UVSSA: variants seen among roughly 807,000 people sequenced by gnomAD.
The protein encoded by UVSSA is UV-stimulated scaffold protein A.
In UVSSA, 72 loss-of-function variants were observed where a neutral mutation model predicts 73.9. That is an observed-to-expected ratio of 0.97 (90% CI 0.81 to 1.19). The LOEUF is 1.19. Among genes scored for constraint, UVSSA ranks in the 50% most tolerant of loss-of-function variants. The pLI, the probability that UVSSA is intolerant of heterozygous loss-of-function variation, is 0.00. For missense variants in UVSSA, 1,150 were observed against 965.0 expected, an observed-to-expected ratio of 1.19 and a Z score of -2.54; for synonymous variants, 454 against 391.3, an observed-to-expected ratio of 1.16 and a Z score of -1.89.
In UVSSA at chr4:1,380,180, C is replaced by G. The variant is rs567453502; in HGVS notation, c.1702C>G (p.Arg568Gly). ...GTTTGAGCCTGTGCAGCACTGGTGCCGTGCCCCGAGGCCAGACGGCCGGCT... is the reference window on the plus strand; with the variant it reads ...GTTTGAGCCTGTGCAGCACTGGTGCGGTGCCCCGAGGCCAGACGGCCGGCT... Reference protein sequence around the residue: ...GKFEPVQHWCRAPRPDGRLCE... With the variant: ...GKFEPVQHWCGAPRPDGRLCE... The change falls in exon 11 of 14, where the codon CGT becomes GGT. Residue 568 changes from arginine (R) to glycine (G), a missense_variant. Arg to Gly is a moderately radical substitution (Grantham distance 125). Transcript: ENST00000389851. The G allele has an allele frequency of 6.2e-7, 1 of 1,613,002 alleles. No homozygotes were observed. The highest frequency in any genetic ancestry group is 8.5e-7 in the Non-Finnish European group (1 of 1,179,966).
chr4:1,353,185 G>A lies in UVSSA; in HGVS notation c.706G>A (p.Gly236Ser). 6.2e-7 allele frequency: 1 copy of A among 1,612,682 alleles called. No individual in the cohort carries two copies. Among genetic ancestry groups the A allele is most frequent in the Non-Finnish European group, 8.5e-7 (1 of 1,179,964 alleles). ...ALRSSCAGQV[G>S]PCRSGTPDPR... ...TCGCTCCTCCTGCGCGGGCCAGGTG[G>A]GCCCCTGCCGGTCTGGCACCCCTGA... The change falls in exon 5 of 14, where the codon GGC becomes AGC. Residue 236 changes from glycine (G) to serine (S), a missense_variant. By Grantham distance (56) the Gly-to-Ser change is moderately conservative. Transcript: ENST00000389851.
chr4:1,371,525 A>G (rs1481215581), intron 8 of UVSSA, among the ~76,000 whole-genome samples: 2 of 152,146 alleles, frequency 1.3e-5, no homozygotes, highest in African/African-American at 2.4e-5. Context: ...TGATAAGGAC[A>G]TACCTGAGAC....
intron 8 of UVSSA, among the ~76,000 whole-genome samples, chr4:1,369,685 C>A (rs1156246419): frequency 6.6e-6 from 1 of 152,270 alleles, no homozygotes; most frequent in Non-Finnish European, 1.5e-5. Flanking sequence ...CAGCGCTGGG[C>A]AGGCCGCCTG....
chr4:1,354,860 C>T lies in UVSSA; in HGVS notation c.1047+13C>T. 6.3e-7 allele frequency: 1 copy of T among 1,592,182 alleles called. No homozygotes were observed. The highest frequency in any genetic ancestry group is 8.5e-7 in the Non-Finnish European group (1 of 1,170,000). ...CTCGTGGATCCAGGTGAGCCTCGAA[C>T]CTGGGACCTGTGGGTGGAGGGACGT... is the stretch of plus-strand genomic sequence containing the variant. On this transcript the variant is annotated intron_variant, in intron 6 of 13. Coordinates refer to ENST00000389851, the MANE Select transcript of UVSSA (RefSeq NM_020894.4).
At chr4:1,372,801 A>ATCT (rs1718264189) in intron 8 of UVSSA, among the ~76,000 whole-genome samples, 1 of 37,974 alleles carries the variant, frequency 2.6e-5, no homozygotes, top group Non-Finnish European at 5.5e-5. Flanking sequence ...CCCTGCACTC[A>ATCT]CCTCCCGCGT....
chr4:1,384,239 G>C, intron 13 of UVSSA: 2 of 430,878 alleles, frequency 4.6e-6, no homozygotes, highest in Non-Finnish European at 8.4e-6. Context: ...CACAGGCCTT[G>C]GCTGGTGCAG....
chr4:1,345,085 G>A (rs1463775217), upstream of UVSSA, among the ~76,000 whole-genome samples: 1 of 152,148 alleles, frequency 6.6e-6, no homozygotes, highest in African/African-American at 2.4e-5. Flanking sequence ...TCCGACCTTA[G>A]ACTTTCAAAG....
chr4:1,346,457 C>T (rs1713693209), upstream of UVSSA, among the ~76,000 whole-genome samples: 1 of 152,230 alleles, frequency 6.6e-6, no homozygotes, highest in Admixed American at 6.5e-5. Flanking sequence ...ACCTCGCACT[C>T]CCCTGCGTTC....
chr4:1,382,317 G>C (rs1200047109), intron 12 of UVSSA, among the ~76,000 whole-genome samples: 4 of 152,240 alleles, frequency 2.6e-5, no homozygotes, highest in Non-Finnish European at 5.9e-5. Flanking sequence ...CAGGTATCAG[G>C]CCGCGGGCTG....
At chr4:1,395,091 C>T in exon 14 of UVSSA, 1 of 1,291,300 alleles carries the variant, frequency 7.7e-7, no homozygotes, top group South Asian at 1.2e-5. Context: ...CACACGTGCC[C>T]ATGTGGAGTG....
chr4:1,348,098 C>A lies in UVSSA; in HGVS notation c.7C>A (p.Gln3Lys), dbSNP rs1479708994. Reference protein sequence around the residue: MDQKLSKLVEELT... With the variant: MDKKLSKLVEELT... ...GCCTTACTTATTTCTAGATATGGATCAGAAACTTTCGAAGTTGGTAGAAGA... is the reference window on the plus strand; with the variant it reads ...GCCTTACTTATTTCTAGATATGGATAAGAAACTTTCGAAGTTGGTAGAAGA... The change falls in exon 2 of 14, where the codon CAG becomes AAG. Residue 3 changes from glutamine to lysine, a missense_variant. By Grantham distance (53) the Gln-to-Lys change is moderately conservative (BLOSUM62 1). Coordinates refer to ENST00000389851, the MANE Select transcript of UVSSA (RefSeq NM_020894.4). 7.4e-6 allele frequency: 12 copies of A among 1,612,640 alleles called. No homozygotes were observed. The highest frequency in any genetic ancestry group is 9.3e-6 in the Non-Finnish European group (11 of 1,179,108).
chr4:1,364,254 TC>T, intron 7 of UVSSA, among the ~76,000 whole-genome samples: 1 of 89,256 alleles, frequency 1.1e-5, no homozygotes, highest in Non-Finnish European at 2.4e-5. Context: ...GTGGCCTGGC[TC>T]TGTGGGGGCC....
intron 7 of UVSSA, chr4:1,358,037 C>T (rs114556898): frequency 0.013 from 1,930 of 152,448 alleles, 12 homozygotes; most frequent in Non-Finnish European, 0.019. Context: ...TCACGCCCCA[C>T]GTGGTGGAGC....
In UVSSA at chr4:1,349,633, G is replaced by C. The variant is rs151085866; in HGVS notation, c.208G>C (p.Val70Leu). ...SAFQIVEELF[V>L]RSHQFRMLVV... Reference sequence around the variant, plus strand: ...CTTCCAGATTGTGGAGGAACTCTTCGTCAGGTCTCACCAGTTCCGGATGCT... The same window carrying C: ...CTTCCAGATTGTGGAGGAACTCTTCCTCAGGTCTCACCAGTTCCGGATGCT... Residue 70 changes from valine (V) to leucine (L), a missense_variant, in exon 3 of 14, where the codon GTC becomes CTC. Physicochemically the swap from Val to Leu is conservative, Grantham distance 32. Transcript: ENST00000389851. 4.3e-6 allele frequency: 7 copies of C among 1,613,936 alleles called. No homozygotes were observed. Among genetic ancestry groups the C allele is most frequent in the East Asian group, 2.2e-5 (1 of 44,880 alleles).
intron 10 of UVSSA, among the ~76,000 whole-genome samples, chr4:1,377,821 G>A (rs1214836115): frequency 6.6e-6 from 1 of 152,386 alleles, no homozygotes; most frequent in East Asian, 1.9e-4. Flanking sequence ...ACGGCTTCAT[G>A]TTTCCCCCAA....
At chr4:1,347,101 T>C (rs13123016), upstream of UVSSA, among the ~76,000 whole-genome samples, 116,243 of 151,764 alleles carry the variant, frequency 0.77, 45,565 homozygotes, top group African/African-American at 0.94. Flanking sequence ...CAGTCGTCGC[T>C]GTGGTGACCC....
At chr4:1,356,767 C>T (rs1432766873) in intron 7 of UVSSA, 2 of 152,328 alleles carry the variant, frequency 1.3e-5, no homozygotes, top group African/African-American at 4.8e-5. Flanking sequence ...CGGGCACTTC[C>T]CTGTGGCTCA....
exon 14 of UVSSA, chr4:1,395,880 G>C (rs1265739377): frequency 6.2e-7 from 1 of 1,600,482 alleles, no homozygotes; most frequent in Non-Finnish European, 8.5e-7. Flanking sequence ...TGGAAGAGGA[G>C]AGGGTGTTTT....
intron 8 of UVSSA, among the ~76,000 whole-genome samples, chr4:1,372,786 C>T (rs1296467344): frequency 4.4e-4 from 44 of 98,984 alleles, no homozygotes; most frequent in Middle Eastern, 5.0e-3. Flanking sequence ...ACTCACCTCC[C>T]GCGTCCCTGC....
Sources: gnomAD v4.1 joint callset for allele counts (sites outside exome capture counted in the v4.1 genomes callset) on GRCh38, gnomAD v4.1.1 for gene constraint, MANE v1.5 for transcripts, NCBI Gene and HGNC (gene_info 2026-07-23, HGNC 2026-07-21) for gene names.